PHF20: variants seen among roughly 807,000 people sequenced by gnomAD.
PHF20 encodes glioma-expressed antigen 2.
In PHF20, 23 loss-of-function variants were observed where a neutral mutation model predicts 113.5. That is an observed-to-expected ratio of 0.20 (90% CI 0.15 to 0.29). The LOEUF is 0.29. PHF20 is among the 10% of genes least tolerant of loss of function. The probability of loss-of-function intolerance (pLI) is 1.00; values close to 1 mark genes in which losing one functional copy is unlikely to be tolerated. For synonymous variants in PHF20, 434 were observed against 457.3 expected, an observed-to-expected ratio of 0.95 and a Z score of 0.65; for missense variants, 943 against 1,219.6, an observed-to-expected ratio of 0.77 and a Z score of 3.38.
At chr20:35,775,860 T>C (rs1045594479) in intron 1 of PHF20, among the ~76,000 whole-genome samples, 6 of 151,778 alleles carry the variant, frequency 4.0e-5, no homozygotes, top group African/African-American at 1.2e-4. Flanking sequence ...TCACCCAAGC[T>C]GGAGTGCAGT....
chr20:35,857,562 C>CTTTTTTTTTTTTTTTTTTTTTTT (rs56655276), intron 4 of PHF20, among the ~76,000 whole-genome samples: 4 of 99,674 alleles, frequency 4.0e-5, no homozygotes, highest in African/African-American at 3.7e-5. Flanking sequence ...AATGATGTTC[C>CTTTTTTTTTTTTTTTTTTTTTTT]TTTTTTTTTT....
At chr20:35,801,844 G>A (rs2041787381) in intron 2 of PHF20, 1 of 340,682 alleles carries the variant, frequency 2.9e-6, no homozygotes, top group Non-Finnish European at 5.5e-6. Context: ...AGAGTTCTGG[G>A]AAAAAGAAGC....
chr20:35,772,293 C>T (rs1353126906), intron 1 of PHF20, among the ~76,000 whole-genome samples: 1 of 151,726 alleles, frequency 6.6e-6, no homozygotes, highest in East Asian at 1.9e-4. Context: ...GGTGCCCAAT[C>T]CCCGGGGCTA....
chr20:35,801,406 G>A (rs1304265815), intron 1 of PHF20, 85 bp from the exon 2 acceptor site: 2 of 647,770 alleles, frequency 3.1e-6, no homozygotes, highest in Non-Finnish European at 5.5e-6. Flanking sequence ...TTTGAATAAT[G>A]CCTGTTTTTT....
At chr20:35,858,737 A>AT (rs1420570967) in intron 5 of PHF20, among the ~76,000 whole-genome samples, 1 of 151,130 alleles carries the variant, frequency 6.6e-6, no homozygotes, top group African/African-American at 2.4e-5. Flanking sequence ...TGCCTGGCTA[A>AT]TTTTTTTGTA....
chr20:35,855,617 A>G (rs933181895), intron 4 of PHF20: 1 of 152,270 alleles, frequency 6.6e-6, no homozygotes, highest in Admixed American at 6.5e-5. Flanking sequence ...GGGGGTATAT[A>G]TCACGCCAAG....
chr20:35,777,060 C>T (rs960591946), intron 1 of PHF20, among the ~76,000 whole-genome samples: 1 of 152,146 alleles, frequency 6.6e-6, no homozygotes, highest in Non-Finnish European at 1.5e-5. Context: ...CCAACTTCAG[C>T]GTTCTTCTTG....
intron 1 of PHF20, among the ~76,000 whole-genome samples, chr20:35,775,507 A>G (rs1196911897): frequency 6.6e-6 from 1 of 152,098 alleles, no homozygotes; most frequent in Non-Finnish European, 1.5e-5. Context: ...TTGTAATCCC[A>G]GCACTTTGGG....
In PHF20 at chr20:35,938,796, C is replaced by T; in HGVS notation, c.2400C>T (p.Thr800=). 3.1e-6 allele frequency: 5 copies of T among 1,614,182 alleles called. No homozygotes were observed. Among genetic ancestry groups the T allele is most frequent in the South Asian group, 1.1e-5 (1 of 91,078 alleles). ...TCAGAAACATCCCTGTCACTGACAC[C>T]AGGAGCAAGGAGGAAGCTCCAAGCT... ...SHFRNIPVTD[T]RSKEEAPSYR... The change falls in exon 16 of 18, where the codon ACC becomes ACT. Residue 800 remains threonine, a synonymous_variant. Transcript: ENST00000374012.
intron 2 of PHF20, among the ~76,000 whole-genome samples, chr20:35,829,737 A>G (rs369383664): frequency 2.0e-5 from 3 of 151,846 alleles, no homozygotes; most frequent in Admixed American, 2.0e-4. Context: ...GCTCATGCCT[A>G]TAATCCCAGC....
chr20:35,784,207 C>T (rs1346298106), intron 1 of PHF20, among the ~76,000 whole-genome samples: 7 of 151,678 alleles, frequency 4.6e-5, no homozygotes, highest in Admixed American at 4.6e-4. Flanking sequence ...GTGCCTGCCA[C>T]CACGCCCGGC....
chr20:35,945,473 AAGAAACAGAGGATTT>A (rs1442648026), intron 17 of PHF20, among the ~76,000 whole-genome samples: 1 of 152,198 alleles, frequency 6.6e-6, no homozygotes, highest in East Asian at 1.9e-4. Context: ...AATAGCTCAC[AAGAAACAGAGGATTT>A]AGAAAGGTGG....
At chr20:35,796,471 A>T (rs140838616) in intron 1 of PHF20, among the ~76,000 whole-genome samples, 1 of 152,270 alleles carries the variant, frequency 6.6e-6, no homozygotes, top group African/African-American at 2.4e-5. Context: ...GTCCAAGAGT[A>T]TAAGCAGTTC....
chr20:35,940,603 C>T (rs1419362400), intron 16 of PHF20, among the ~76,000 whole-genome samples: 1 of 152,190 alleles, frequency 6.6e-6, no homozygotes, highest in East Asian at 1.9e-4. Context: ...TTCTGTGAGG[C>T]TTACTTTAGG....
chr20:35,939,881 G>A (rs2055943220), intron 16 of PHF20, among the ~76,000 whole-genome samples: 1 of 152,188 alleles, frequency 6.6e-6, no homozygotes, highest in Admixed American at 6.5e-5. Flanking sequence ...CCTCAAGGGA[G>A]GGGATTGTAT....
intron 13 of PHF20, among the ~76,000 whole-genome samples, chr20:35,926,230 ATTT>A (rs1186510585): frequency 7.0e-4 from 37 of 52,988 alleles, no homozygotes; most frequent in South Asian, 2.4e-3. Flanking sequence ...ACAGACTTTC[ATTT>A]TTTTTTTTTT....
rs762088833 is a variant in PHF20 at position 35,847,480 on chromosome 20, T to G, written c.340+46T>G. 6.0e-6 allele frequency: 7 copies of G among 1,157,034 alleles called. No individual in the cohort carries two copies. The Admixed American group carries it at 1.1e-4, about 18-fold the overall frequency. The allele number at this position is 1,157,034 out of a possible 1,614,324, so 71.7% of individuals were successfully genotyped here. A position where few individuals can be genotyped will look rare whatever the true frequency, so the allele number is the denominator to read the frequency against. The stretch of plus-strand genomic sequence containing the variant: ...TTGTTTTTACTCATGACTTAGGTGG[T>G]GGGGGGGGATGTTTGTAATATCAGA... On this transcript the variant is annotated intron_variant, in intron 4 of 17. Coordinates refer to ENST00000374012, the MANE Select transcript of PHF20 (RefSeq NM_016436.5).
At chr20:35,808,835 G>A (rs953796331) in intron 2 of PHF20, among the ~76,000 whole-genome samples, 1 of 150,780 alleles carries the variant, frequency 6.6e-6, no homozygotes, top group Non-Finnish European at 1.5e-5. Flanking sequence ...GCCTCCCAAC[G>A]TGCTGGGATT....
intron 2 of PHF20, among the ~76,000 whole-genome samples, chr20:35,835,901 G>A (rs2042431037): frequency 6.6e-6 from 1 of 152,190 alleles, no homozygotes; most frequent in Non-Finnish European, 1.5e-5. Flanking sequence ...CTGCACTCCA[G>A]CCTGGGCAAC....
Sources: allele counts gnomAD v4.1 joint callset (sites outside exome capture counted in the v4.1 genomes callset), GRCh38; gene constraint gnomAD v4.1.1; transcripts MANE v1.5; gene names NCBI Gene and HGNC (gene_info 2026-07-23, HGNC 2026-07-21).